The following COL4A2 variants were observed in gnomAD, a reference collection of about 807,000 sequenced individuals.
COL4A2 encodes the protein collagen type IV alpha 2 chain.
COL4A2 carries 99 observed loss-of-function variants against 200.2 expected under a neutral mutation model. The observed-to-expected ratio is 0.49, with a 90% CI of 0.42 to 0.58. The LOEUF (loss-of-function observed/expected upper bound fraction) is 0.58, where lower values mean the gene tolerates loss of function less well. Among genes scored for constraint, COL4A2 ranks in the 20% least tolerant of loss-of-function variants. The probability of loss-of-function intolerance (pLI) is 0.00; values close to 1 mark genes in which losing one functional copy is unlikely to be tolerated. For missense variants in COL4A2, 1,950 were observed against 2,314.1 expected, an observed-to-expected ratio of 0.84 and a Z score of 3.23; for synonymous variants, 897 against 900.6, an observed-to-expected ratio of 1.00 and a Z score of 0.07.
At chr13:110,345,595 C>G (rs993582594) in intron 3 of COL4A2, among the ~76,000 whole-genome samples, 1 of 152,160 alleles carries the variant, frequency 6.6e-6, no homozygotes. Flanking sequence ...CGTCCTCACC[C>G]GTTCTTTTTA....
In COL4A2 at chr13:110,499,193, G is replaced by T. The variant is rs144236476; in HGVS notation, c.3761-2475G>T. Among the ~76,000 whole-genome samples the T allele has an allele frequency of 3.8e-3, 584 of 152,356 alleles. 7 individuals carry two copies. Among genetic ancestry groups the T allele is most frequent in the African/African-American group, 0.013 (554 of 41,582 alleles). On this transcript the variant is annotated intron_variant, in intron 40 of 47. Transcript: ENST00000360467. ...CCTTCGCATGAGTTGCATCTCATTTGTATTAGTTCGTTCTCATGCTGCTAT... is the reference window on the plus strand; with the variant it reads ...CCTTCGCATGAGTTGCATCTCATTTTTATTAGTTCGTTCTCATGCTGCTAT...
intron 4 of COL4A2, among the ~76,000 whole-genome samples, chr13:110,395,283 TC>T (rs1030968037): frequency 1.3e-5 from 2 of 152,226 alleles, no homozygotes; most frequent in African/African-American, 4.8e-5. Context: ...AAGTCACTCT[TC>T]CTTCTACGGA....
At chr13:110,348,809 C>T (rs1876824376) in intron 3 of COL4A2, among the ~76,000 whole-genome samples, 1 of 152,162 alleles carries the variant, frequency 6.6e-6, no homozygotes, top group South Asian at 2.1e-4. Context: ...AGGCACAATC[C>T]AATCGTCAGC....
intron 4 of COL4A2, among the ~76,000 whole-genome samples, chr13:110,368,582 T>C (rs1384546711): frequency 6.6e-6 from 1 of 152,150 alleles, no homozygotes; most frequent in Non-Finnish European, 1.5e-5. Context: ...AAATGATTGC[T>C]CGTCTGGACA....
intron 24 of COL4A2, 55 bp downstream of exon 24, chr13:110,462,439 C>T: frequency 1.3e-6 from 2 of 1,571,854 alleles, no homozygotes; most frequent in Non-Finnish European, 1.7e-6. Flanking sequence ...CCTTCAGGTT[C>T]TCCAAACACC....
At chr13:110,452,966 A>G (rs942361719) in intron 20 of COL4A2, among the ~76,000 whole-genome samples, 1 of 151,582 alleles carries the variant, frequency 6.6e-6, no homozygotes, top group Non-Finnish European at 1.5e-5. Flanking sequence ...GGGTTTCACT[A>G]TGTTGCCCAG....
intron 16 of COL4A2, among the ~76,000 whole-genome samples, chr13:110,441,698 A>G (rs1373937008): frequency 2.0e-5 from 3 of 152,056 alleles, no homozygotes; most frequent in Non-Finnish European, 4.4e-5. Context: ...GTTTCCACCT[A>G]CCCCATGTGA....
At chr13:110,493,831 C>T (rs1421198224) in intron 39 of COL4A2, among the ~76,000 whole-genome samples, 6 of 151,996 alleles carry the variant, frequency 3.9e-5, no homozygotes, top group East Asian at 1.9e-4. Context: ...GGGGGGGCCG[C>T]GTCCTGGCTG....
chr13:110,473,456 T>G, intron 29 of COL4A2: 1 of 354,130 alleles, frequency 2.8e-6, no homozygotes, highest in Non-Finnish European at 5.1e-6. Flanking sequence ...GCTCACTGTT[T>G]GTCTTGGCAG....
chr13:110,418,149 A>G (rs1309094430), intron 4 of COL4A2, among the ~76,000 whole-genome samples: 1 of 152,156 alleles, frequency 6.6e-6, no homozygotes, highest in Non-Finnish European at 1.5e-5. Flanking sequence ...GAAGTTTAGC[A>G]TCTTTTCATG....
chr13:110,321,894 T>A (rs1468736342), intron 3 of COL4A2, among the ~76,000 whole-genome samples: 1 of 152,122 alleles, frequency 6.6e-6, no homozygotes, highest in Non-Finnish European at 1.5e-5. Context: ...TCCCCATAAT[T>A]CAGTTAGCTC....
chr13:110,375,141 G>A (rs1878182478), intron 4 of COL4A2, among the ~76,000 whole-genome samples: 1 of 152,180 alleles, frequency 6.6e-6, no homozygotes, highest in South Asian at 2.1e-4. Context: ...CGCCATTCAG[G>A]TGTGAGGATG....
chr13:110,368,848 A>AG lies in COL4A2; in HGVS notation c.180+11309dup, dbSNP rs71775039. On this transcript the variant is annotated intron_variant, in intron 4 of 47. Coordinates refer to ENST00000360467, the MANE Select transcript of COL4A2 (RefSeq NM_001846.4). The stretch of plus-strand genomic sequence containing the variant: ...TCACAATCAACTAAGGCCAAAGAAA[A>AG]GGGGGGGGGGGGGTTGAGCTCAATA... Among the ~76,000 whole-genome samples, 301 of 126,756 alleles carry AG rather than the reference A, an allele frequency of 2.4e-3. 1 individual carries two copies. The highest frequency in any genetic ancestry group is 3.7e-3 in the Non-Finnish European group (223 of 59,498). The allele number at this position is 126,756 out of a possible 152,430, so 83.2% of individuals were successfully genotyped here. A position where few individuals can be genotyped will look rare whatever the true frequency, so the allele number is the denominator to read the frequency against.
chr13:110,309,940 G>A (rs1252893790), intron 3 of COL4A2, among the ~76,000 whole-genome samples: 4 of 152,152 alleles, frequency 2.6e-5, no homozygotes, highest in South Asian at 2.1e-4. Flanking sequence ...GCAGTAAGCC[G>A]AAATAGCACC....
At chr13:110,329,379 G>A (rs2095072119) in intron 3 of COL4A2, among the ~76,000 whole-genome samples, 1 of 152,200 alleles carries the variant, frequency 6.6e-6, no homozygotes, top group Non-Finnish European at 1.5e-5. Context: ...TCTGGAGCTG[G>A]AGAAGGAAGA....
At chr13:110,312,137 C>T (rs182349794) in intron 3 of COL4A2, among the ~76,000 whole-genome samples, 6 of 152,280 alleles carry the variant, frequency 3.9e-5, no homozygotes, top group Middle Eastern at 3.4e-3. Flanking sequence ...GGGAAAAGCA[C>T]GGGGTTCCTC....
At chr13:110,509,272 C>CAT (rs1566575680) in intron 47 of COL4A2, among the ~76,000 whole-genome samples, 37 of 83,470 alleles carry the variant, frequency 4.4e-4, no homozygotes, top group African/African-American at 1.6e-3. Flanking sequence ...TATATATATA[C>CAT]ACACACACAC....
At chr13:110,456,851 TGATG>T in intron 20 of COL4A2, 2 of 463,678 alleles carry the variant, frequency 4.3e-6, no homozygotes, top group Non-Finnish European at 8.9e-6. Flanking sequence ...TCCGTGGGGC[TGATG>T]CCCTGCGTCT....
chr13:110,348,157 A>G (rs1488124434), intron 3 of COL4A2, among the ~76,000 whole-genome samples: 1 of 152,264 alleles, frequency 6.6e-6, no homozygotes, highest in Non-Finnish European at 1.5e-5. Context: ...GAGGACAGGC[A>G]TCGACGCAGT....
Sources: gnomAD v4.1 joint callset for allele counts (sites outside exome capture counted in the v4.1 genomes callset) on GRCh38, gnomAD v4.1.1 for gene constraint, MANE v1.5 for transcripts, NCBI Gene and HGNC (gene_info 2026-07-23, HGNC 2026-07-21) for gene names.